The following GNA13 variants were observed in gnomAD, a reference collection of about 807,000 sequenced individuals.
GNA13 encodes G protein subunit alpha 13.
A neutral mutation model predicts 33.5 loss-of-function variants in GNA13; 4 were observed. The ratio of observed to expected loss-of-function variants is 0.12; its 90% CI spans 0.06 to 0.27. GNA13 has a LOEUF of 0.27. GNA13 is among the 10% of genes least tolerant of loss of function. The pLI, the probability that GNA13 is intolerant of heterozygous loss-of-function variation, is 1.00. For missense variants in GNA13, 319 were observed against 487.2 expected (o/e 0.65, Z 3.25); for synonymous variants, 176 against 183.8 (o/e 0.96, Z 0.34).
chr17:65,012,660 C>A lies in GNA13; in HGVS notation c.*1597G>T, dbSNP rs190131614. On this transcript the variant is annotated 3_prime_UTR_variant, in exon 4 of 4. Coordinates refer to ENST00000439174, the MANE Select transcript of GNA13 (RefSeq NM_006572.6). ...TCACTGAAAAGCCCCACTCTCGTAT[C>A]AGACAGCAAGACAGAACAACAGCCA... The A allele has an allele frequency of 4.4e-5, 10 of 226,490 alleles. No individual in the cohort carries two copies. The highest frequency in any genetic ancestry group is 8.6e-5 in the Non-Finnish European group (10 of 116,194). The allele number at this position is 226,490 out of a possible 1,614,324, so 14.0% of individuals were successfully genotyped here. A position where few individuals can be genotyped will look rare whatever the true frequency, so the allele number is the denominator to read the frequency against.
chr17:65,027,233 C>T (rs1179109362), intron 2 of GNA13, among the ~76,000 whole-genome samples: 1 of 151,986 alleles, frequency 6.6e-6, no homozygotes, highest in Non-Finnish European at 1.5e-5. Context: ...CTCAGAAATC[C>T]AAAGTGCACC....
At chr17:65,055,803 G>A (rs1001680805) in intron 1 of GNA13, 1 of 980,798 alleles carries the variant, frequency 1.0e-6, no homozygotes, top group Admixed American at 6.1e-5. Flanking sequence ...GCTTGCTTAG[G>A]AGACGGCCAA....
intron 2 of GNA13, among the ~76,000 whole-genome samples, chr17:65,033,097 C>T (rs527515863): frequency 1.4e-4 from 21 of 149,280 alleles, no homozygotes; most frequent in African/African-American, 2.5e-4. Flanking sequence ...GGCAACAGAG[C>T]GAGACTCCAT....
chr17:65,022,415 A>G (rs3972219), intron 2 of GNA13, among the ~76,000 whole-genome samples: 6,427 of 151,676 alleles, frequency 0.042, 199 homozygotes, highest in Non-Finnish European at 0.064. Context: ...AAAAAAAAAA[A>G]GGGAGTAAAT....
intron 2 of GNA13, among the ~76,000 whole-genome samples, chr17:65,051,530 G>T (rs1427610379): frequency 6.6e-6 from 1 of 152,086 alleles, no homozygotes; most frequent in South Asian, 2.1e-4. Context: ...CAGGAGAATC[G>T]CCTGAACCCA....
intron 2 of GNA13, among the ~76,000 whole-genome samples, chr17:65,044,432 G>C (rs767041494): frequency 6.6e-6 from 1 of 152,050 alleles, no homozygotes; most frequent in Non-Finnish European, 1.5e-5. Context: ...CTTTCAAGCA[G>C]GGAAATAAAA....
chr17:65,019,439 T>C (rs2143774875), intron 2 of GNA13, among the ~76,000 whole-genome samples: 1 of 152,278 alleles, frequency 6.6e-6, no homozygotes, highest in African/African-American at 2.4e-5. Context: ...AACAGATGAA[T>C]GGGTAAAGAA....
intron 2 of GNA13, among the ~76,000 whole-genome samples, chr17:65,038,797 G>C (rs1907355619): frequency 6.6e-6 from 1 of 152,126 alleles, no homozygotes; most frequent in East Asian, 1.9e-4. Flanking sequence ...AACATGCTTG[G>C]AACACTTACA....
chr17:65,045,184 C>T (rs962759230), intron 2 of GNA13, among the ~76,000 whole-genome samples: 1 of 151,968 alleles, frequency 6.6e-6, no homozygotes, highest in African/African-American at 2.4e-5. Context: ...TCTCTTTCAG[C>T]TAACTGGTTG....
At chr17:65,028,766 C>G (rs2143791947) in intron 2 of GNA13, among the ~76,000 whole-genome samples, 1 of 152,168 alleles carries the variant, frequency 6.6e-6, no homozygotes, top group East Asian at 1.9e-4. Context: ...TCCTGCCTCC[C>G]TACTTTACTC....
intron 1 of GNA13, among the ~76,000 whole-genome samples, chr17:65,054,471 GTT>G (rs1465896276): frequency 6.6e-5 from 10 of 152,100 alleles, no homozygotes; most frequent in African/African-American, 2.4e-4. Context: ...AACGGGTGGG[GTT>G]TTTTTGTTTT....
intron 2 of GNA13, among the ~76,000 whole-genome samples, chr17:65,031,636 T>C (rs932066434): frequency 2.0e-5 from 3 of 152,212 alleles, no homozygotes; most frequent in African/African-American, 7.2e-5. Flanking sequence ...ATCAGTGTTA[T>C]AATCCCAAAA....
Position 65,056,305 on chromosome 17 carries a change from CG to C in GNA13, c.283+5del. The C allele has an allele frequency of 6.2e-7, 1 of 1,603,838 alleles. No homozygotes were observed. Among genetic ancestry groups the C allele is most frequent in the Non-Finnish European group, 8.5e-7 (1 of 1,178,002 alleles). On this transcript the variant is annotated splice_donor_5th_base_variant and intron_variant, in intron 1 of 3. Transcript: ENST00000439174. ...TAACCCCCGGCCCCCATTCCCGGCC[CG>C]GCACCTTTGATCACGTTGCTGTAGA...
chr17:65,049,748 C>T (rs1907796199), intron 2 of GNA13, among the ~76,000 whole-genome samples: 1 of 152,188 alleles, frequency 6.6e-6, no homozygotes, highest in Non-Finnish European at 1.5e-5. Context: ...TGGCTATTTG[C>T]TGAAAACACA....
chr17:65,015,200 A>C (rs953974777), intron 3 of GNA13, among the ~76,000 whole-genome samples: 2 of 152,156 alleles, frequency 1.3e-5, no homozygotes, highest in African/African-American at 4.8e-5. Context: ...CATCCCTGCA[A>C]TACTACTCAA....
intron 2 of GNA13, among the ~76,000 whole-genome samples, chr17:65,039,501 A>C (rs1907380351): frequency 1.3e-5 from 2 of 151,650 alleles, no homozygotes; most frequent in Non-Finnish European, 2.9e-5. Context: ...GTTCTCCCTC[A>C]CTCACTCCTC....
Position 65,012,355 on chromosome 17 carries a change from G to A in GNA13, c.*1902C>T, listed in dbSNP as rs75200830. ...CCAAATGTTACTGTGCACATATTCC[G>A]ATATTCATTAGCACTGCAATTATGC... On this transcript the variant is annotated 3_prime_UTR_variant, in exon 4 of 4. Transcript: ENST00000439174. 2,774 of 222,888 alleles carry A rather than the reference G, an allele frequency of 0.012. 79 individuals are homozygous for A. Among genetic ancestry groups the A allele is most frequent in the African/African-American group, 0.057 (2,558 of 44,804 alleles). The allele number at this position is 222,888 out of a possible 1,614,324, so 13.8% of individuals were successfully genotyped here. A position where few individuals can be genotyped will look rare whatever the true frequency, so the allele number is the denominator to read the frequency against.
chr17:65,014,196 C>A lies in GNA13; in HGVS notation c.*61G>T. On this transcript the variant is annotated 3_prime_UTR_variant, in exon 4 of 4. Transcript: ENST00000439174. This position sits in a 1 kb window ranked among gnomAD's most constrained non-coding sequence, Gnocchi z 5.3. ...GGTTGTAAACTGCTATTTTAAAAAA[C>A]AAAACAAACAGAAAACATCAAAAAC... 2 of 1,015,740 alleles carry A rather than the reference C, an allele frequency of 2.0e-6. No individual in the cohort carries two copies. The highest frequency in any genetic ancestry group is 1.5e-5 in the South Asian group (1 of 64,624). The allele number at this position is 1,015,740 out of a possible 1,614,324, so 62.9% of individuals were successfully genotyped here. A position where few individuals can be genotyped will look rare whatever the true frequency, so the allele number is the denominator to read the frequency against.
intron 2 of GNA13, among the ~76,000 whole-genome samples, chr17:65,029,367 G>C (rs1472439896): frequency 6.6e-6 from 1 of 152,106 alleles, no homozygotes; most frequent in Non-Finnish European, 1.5e-5. Flanking sequence ...CTCTCCTTCT[G>C]GGGTTCTTAC....
Sources: gnomAD v4.1 joint callset for allele counts (sites outside exome capture counted in the v4.1 genomes callset) on GRCh38, gnomAD v4.1.1 for gene constraint, Gnocchi (gnomAD v3.1) non-coding constraint, MANE v1.5 for transcripts, NCBI Gene and HGNC (gene_info 2026-07-23, HGNC 2026-07-21) for gene names.